ADAM10: variants seen among roughly 807,000 people sequenced by gnomAD.
ADAM10 encodes the protein ADAM metallopeptidase domain 10, also known as disintegrin and metalloproteinase domain-containing protein 10.
ADAM10 carries 17 observed loss-of-function variants against 90.1 expected under a neutral mutation model. The observed-to-expected ratio is 0.19, with a 90% CI of 0.13 to 0.28. ADAM10 has a LOEUF of 0.28. Among genes scored for constraint, ADAM10 ranks in the 10% least tolerant of loss-of-function variants. ADAM10 has a pLI of 1.00. For missense variants in ADAM10, 610 were observed against 914.3 expected (o/e 0.67, Z 4.29); for synonymous variants, 310 against 298.6 (o/e 1.04, Z -0.40).
Position 58,749,665 on chromosome 15 carries a change from C to T in ADAM10, c.-131G>A, listed in dbSNP as rs1257865971. 36 of 1,475,948 alleles carry T rather than the reference C, an allele frequency of 2.4e-5. No individual in the cohort carries two copies. Among genetic ancestry groups the T allele is most frequent in the Non-Finnish European group, 2.9e-5 (32 of 1,102,396 alleles). The allele number at this position is 1,475,948 out of a possible 1,614,324, so 91.4% of individuals were successfully genotyped here. A position where few individuals can be genotyped will look rare whatever the true frequency, so the allele number is the denominator to read the frequency against. On this transcript the variant is annotated 5_prime_UTR_variant, in exon 1 of 16. Transcript: ENST00000260408. ...CCGGGACCTCCCCTGGCAGGAGAAA[C>T]GGCGAAGCACCTCCCTCTCGCTCCA... is the stretch of plus-strand genomic sequence containing the variant.
At position 58,611,822 on chromosome 15, in the gene ADAM10, C is replaced by A; in HGVS notation, c.1681G>T (p.Val561Leu). 1 of 1,614,180 alleles carries A rather than the reference C, an allele frequency of 6.2e-7. No homozygotes were observed. The highest frequency in any genetic ancestry group is 8.5e-7 in the Non-Finnish European group (1 of 1,180,024). Residue 561 changes from valine to leucine, a missense_variant, in exon 12 of 16, where the codon GTG becomes TTG. Val to Leu is a conservative substitution (Grantham distance 32). This residue lies in a region of ADAM10 where 150 missense variants were observed against 268.5 expected (regional missense o/e 0.56). Coordinates refer to ENST00000260408, the MANE Select transcript of ADAM10 (RefSeq NM_001110.4). ...NFTDCNRHTQ[V>L]CINGQCAGSI... ...TAAATGCTTACCCCATTAATGCACA[C>A]TTGTGTATGCCTATTACAGTCTGTG...
At chr15:58,705,732 A>G (rs1171536170) in intron 2 of ADAM10, among the ~76,000 whole-genome samples, 1 of 152,224 alleles carries the variant, frequency 6.6e-6, no homozygotes, top group African/African-American at 2.4e-5. Context: ...TATAGGTTAG[A>G]ATAGTTAGAA....
intron 4 of ADAM10, among the ~76,000 whole-genome samples, chr15:58,677,053 TTTC>T (rs1374752097): frequency 2.0e-5 from 3 of 152,204 alleles, no homozygotes; most frequent in Non-Finnish European, 2.9e-5. Context: ...ACATGAATGT[TTTC>T]TTGTCTTAAA....
At chr15:58,632,172 T>G (rs1896122803) in intron 9 of ADAM10, among the ~76,000 whole-genome samples, 1 of 152,224 alleles carries the variant, frequency 6.6e-6, no homozygotes, top group African/African-American at 2.4e-5. Context: ...CAGTATTTCA[T>G]ATTTCTGTGT....
chr15:58,611,188 A>C (rs1305044192), intron 12 of ADAM10, 81 bp from the exon 13 acceptor site: 1 of 967,668 alleles, frequency 1.0e-6, no homozygotes, highest in Admixed American at 1.8e-5. Flanking sequence ...GGCAAGTATG[A>C]GCTTCCAATG....
intron 6 of ADAM10, 96 bp from the exon 7 acceptor site, chr15:58,644,074 G>T (rs578057412): frequency 1.1e-6 from 1 of 887,512 alleles, no homozygotes; most frequent in Non-Finnish European, 1.8e-6. Flanking sequence ...TTCATGTCCT[G>T]CCACATTCAA....
At chr15:58,628,016 T>C (rs767848868) in intron 9 of ADAM10, 133 bp from the exon 10 acceptor site, 1 of 885,258 alleles carries the variant, frequency 1.1e-6, no homozygotes, top group Non-Finnish European at 1.7e-6. Context: ...ATCTTACAAT[T>C]GTTTTACACC....
At chr15:58,691,603 C>T (rs776637081) in intron 2 of ADAM10, 3 of 474,544 alleles carry the variant, frequency 6.3e-6, no homozygotes, top group South Asian at 4.8e-5. Flanking sequence ...TTAGAGAATA[C>T]CTCATCTAAT....
At chr15:58,620,542 T>C (rs1250071430) in intron 11 of ADAM10, among the ~76,000 whole-genome samples, 2 of 152,090 alleles carry the variant, frequency 1.3e-5, no homozygotes, top group Non-Finnish European at 2.9e-5. Flanking sequence ...AGTGAAATAG[T>C]TATAACTTGC....
intron 14 of ADAM10, 88 bp from the exon 15 acceptor site, chr15:58,599,812 A>G (rs560578989): frequency 3.8e-6 from 5 of 1,315,808 alleles, no homozygotes; most frequent in Non-Finnish European, 5.4e-6. Context: ...CATAGAATAG[A>G]ACACAGTATA....
rs1164105032 is a variant in ADAM10 at position 58,596,086 on chromosome 15, TAAA to T, written c.*1458_*1460del. 2 of 132,522 alleles carry T rather than the reference TAAA, an allele frequency of 1.5e-5. No homozygotes were observed. Among genetic ancestry groups the T allele is most frequent in the Non-Finnish European group, 3.1e-5 (2 of 64,324 alleles). The allele number at this position is 132,522 out of a possible 1,614,324, so 8.2% of individuals were successfully genotyped here. A position where few individuals can be genotyped will look rare whatever the true frequency, so the allele number is the denominator to read the frequency against. ...AATGATTGTGTAAACCTTATACTCT[TAAA>T]AAAAAAAAGGAAAAAAAAAAACCCA... is the stretch of plus-strand genomic sequence containing the variant. On this transcript the variant is annotated 3_prime_UTR_variant, in exon 16 of 16. Transcript: ENST00000260408.
chr15:58,650,362 T>G (rs1310934580), intron 5 of ADAM10, among the ~76,000 whole-genome samples: 1 of 152,196 alleles, frequency 6.6e-6, no homozygotes, highest in Non-Finnish European at 1.5e-5. Context: ...TTAGGCTTGG[T>G]GCACTAGTAA....
At chr15:58,727,733 C>T (rs985240846) in intron 1 of ADAM10, among the ~76,000 whole-genome samples, 1 of 152,010 alleles carries the variant, frequency 6.6e-6, no homozygotes, top group Non-Finnish European at 1.5e-5. Flanking sequence ...CATCCAAACC[C>T]TAATCCAAAG....
At chr15:58,615,054 C>T (rs565521317) in intron 11 of ADAM10, among the ~76,000 whole-genome samples, 1 of 152,210 alleles carries the variant, frequency 6.6e-6, no homozygotes, top group Non-Finnish European at 1.5e-5. Flanking sequence ...GCAGGCAGAT[C>T]ACGAGGTCAG....
At chr15:58,629,880 C>T (rs566779780) in intron 9 of ADAM10, among the ~76,000 whole-genome samples, 1 of 152,150 alleles carries the variant, frequency 6.6e-6, no homozygotes, top group African/African-American at 2.4e-5. Context: ...TCCTCCCCGA[C>T]CTTAGCTTCT....
intron 1 of ADAM10, among the ~76,000 whole-genome samples, chr15:58,739,051 CT>C (rs1424227018): frequency 7.4e-4 from 113 of 152,232 alleles, no homozygotes; most frequent in African/African-American, 2.5e-3. Flanking sequence ...GCCACTGCCC[CT>C]AGCTGAGAAC....
Position 58,679,153 on chromosome 15 carries a change from T to C in ADAM10, c.455A>G (p.His152Arg). The stretch of plus-strand genomic sequence containing the variant: ...ATCATCTTCATGATAAATGACAGAG[T>C]GAAATGGCAGAGTTCGGTCTTTAAT... Reference protein sequence around the residue: ...RYIKDRTLPFHSVIYHEDDIN... With the variant: ...RYIKDRTLPFRSVIYHEDDIN... The change falls in exon 4 of 16, where the codon CAC (histidine) becomes CGC (arginine). Residue 152 changes from histidine (H) to arginine (R), a missense_variant. Around this residue, in one of 4 missense-constraint regions of ADAM10, gnomAD observed 310 missense variants for 362.4 expected, o/e 0.86. Coordinates refer to ENST00000260408, the MANE Select transcript of ADAM10 (RefSeq NM_001110.4). 1 of 1,613,830 alleles carries C rather than the reference T, an allele frequency of 6.2e-7. No individual in the cohort carries two copies. Among genetic ancestry groups the C allele is most frequent in the Non-Finnish European group, 8.5e-7 (1 of 1,179,932 alleles).
At chr15:58,601,921 CT>C (rs1321789982) in intron 14 of ADAM10, among the ~76,000 whole-genome samples, 1 of 152,188 alleles carries the variant, frequency 6.6e-6, no homozygotes, top group Admixed American at 6.5e-5. Flanking sequence ...ATGCTGTGTT[CT>C]CGCTGCATCC....
At chr15:58,698,363 G>T (rs1421557940) in intron 2 of ADAM10, 1 of 412,520 alleles carries the variant, frequency 2.4e-6, no homozygotes, top group South Asian at 1.7e-5. Context: ...TTTCAACCCA[G>T]GAGTTTGAGA....
Sources: gnomAD v4.1 joint callset for allele counts (sites outside exome capture counted in the v4.1 genomes callset) on GRCh38, gnomAD v4.1.1 for gene constraint, gnomAD v4.1.1 regional missense constraint, MANE v1.5 for transcripts, NCBI Gene and HGNC (gene_info 2026-07-23, HGNC 2026-07-21) for gene names.